The following NRG3 variants were observed in gnomAD, a reference collection of about 807,000 sequenced individuals.
NRG3 encodes pro-neuregulin-3, membrane-bound isoform.
A neutral mutation model predicts 66.9 loss-of-function variants in NRG3; 31 were observed. The ratio of observed to expected loss-of-function variants is 0.46; its 90% CI spans 0.35 to 0.63. The LOEUF (loss-of-function observed/expected upper bound fraction) is 0.63, where lower values mean the gene tolerates loss of function less well. Ranked by LOEUF, NRG3 falls within the 20% of genes least tolerant of loss-of-function variation. The pLI, the probability that NRG3 is intolerant of heterozygous loss-of-function variation, is 0.00. For synonymous variants in NRG3, 393 were observed against 359.4 expected, an observed-to-expected ratio of 1.09 and a Z score of -1.06; for missense variants, 910 against 878.9, an observed-to-expected ratio of 1.04 and a Z score of -0.45.
intron 2 of NRG3, among the ~76,000 whole-genome samples, chr10:82,729,143 C>T (rs2057764294): frequency 6.6e-6 from 1 of 152,102 alleles, no homozygotes; most frequent in South Asian, 2.1e-4. Flanking sequence ...CATCCTGCAG[C>T]CAAAGACATG....
At chr10:82,172,646 G>A (rs1356572073) in intron 1 of NRG3, among the ~76,000 whole-genome samples, 1 of 152,102 alleles carries the variant, frequency 6.6e-6, no homozygotes, top group Non-Finnish European at 1.5e-5. Context: ...ATCAGCCACA[G>A]AACCTGTCAC....
At chr10:81,967,287 A>G (rs1474534983) in intron 1 of NRG3, among the ~76,000 whole-genome samples, 3 of 151,746 alleles carry the variant, frequency 2.0e-5, no homozygotes, top group Non-Finnish European at 2.9e-5. Context: ...TTAACAGAAG[A>G]TTTATCTTAA....
At chr10:81,901,682 A>G (rs908587691) in intron 1 of NRG3, among the ~76,000 whole-genome samples, 5 of 152,190 alleles carry the variant, frequency 3.3e-5, no homozygotes, top group Admixed American at 3.3e-4. Flanking sequence ...AAAGAAAAGT[A>G]AAATAAAATA....
chr10:82,695,505 T>G (rs552573420), intron 2 of NRG3, among the ~76,000 whole-genome samples: 1 of 152,212 alleles, frequency 6.6e-6, no homozygotes, highest in East Asian at 1.9e-4. Context: ...TGTGTGTGCA[T>G]CTAGATATAG....
intron 1 of NRG3, among the ~76,000 whole-genome samples, chr10:82,141,594 G>A (rs2069788824): frequency 6.6e-6 from 1 of 151,998 alleles, no homozygotes; most frequent in African/African-American, 2.4e-5. Context: ...TTTCACTTCT[G>A]TGAAGCAGCA....
chr10:82,158,005 T>C (rs1485873119), intron 1 of NRG3, among the ~76,000 whole-genome samples: 1 of 151,702 alleles, frequency 6.6e-6, no homozygotes, highest in East Asian at 1.9e-4. Context: ...TGTGAAATTG[T>C]CTAGGTCACT....
chr10:82,278,102 G>A (rs2078943301), intron 1 of NRG3, among the ~76,000 whole-genome samples: 1 of 152,052 alleles, frequency 6.6e-6, no homozygotes, highest in Non-Finnish European at 1.5e-5. Flanking sequence ...AAAAATTGAT[G>A]AACGTTTTGG....
chr10:82,452,320 G>A (rs1484723599), intron 2 of NRG3, among the ~76,000 whole-genome samples: 2 of 152,182 alleles, frequency 1.3e-5, no homozygotes, highest in Non-Finnish European at 2.9e-5. Context: ...TGAATCAGCT[G>A]TGTCTGTGCA....
intron 2 of NRG3, among the ~76,000 whole-genome samples, chr10:82,645,681 C>T (rs1468823919): frequency 3.3e-5 from 5 of 152,152 alleles, no homozygotes; most frequent in Admixed American, 3.3e-4. Flanking sequence ...TTGAATACTA[C>T]TGCTTTTCAT....
chr10:81,933,378 T>C (rs542776493), intron 1 of NRG3, among the ~76,000 whole-genome samples: 11 of 152,150 alleles, frequency 7.2e-5, no homozygotes, highest in South Asian at 2.1e-4. Context: ...TAAGGAGATA[T>C]GTTCATTAAT....
intron 2 of NRG3, among the ~76,000 whole-genome samples, chr10:82,559,457 C>T (rs1190486195): frequency 6.6e-6 from 1 of 152,174 alleles, no homozygotes; most frequent in Non-Finnish European, 1.5e-5. Flanking sequence ...GTACTTACAA[C>T]TTGAAGGAAT....
At chr10:82,150,530 C>CAAAAAAAAAAAAA (rs1188955647) in intron 1 of NRG3, among the ~76,000 whole-genome samples, 2 of 26,688 alleles carry the variant, frequency 7.5e-5, no homozygotes, top group Non-Finnish European at 7.4e-5. Flanking sequence ...AGAGCACACA[C>CAAAAAAAAAAAAA]AAAAAAAAAA....
chr10:82,273,126 TTATTA>T (rs2078682788), intron 1 of NRG3, among the ~76,000 whole-genome samples: 1 of 152,106 alleles, frequency 6.6e-6, no homozygotes, highest in Non-Finnish European at 1.5e-5. Flanking sequence ...TTCTCTTCTT[TTATTA>T]TATTTGCTGT....
At chr10:82,081,680 T>G (rs1020380041) in intron 1 of NRG3, among the ~76,000 whole-genome samples, 3 of 152,224 alleles carry the variant, frequency 2.0e-5, no homozygotes, top group Admixed American at 2.0e-4. Context: ...ACTTAGTCTC[T>G]GCTTTATACA....
intron 1 of NRG3, among the ~76,000 whole-genome samples, chr10:82,103,968 C>T (rs11192514): frequency 0.063 from 9,418 of 148,808 alleles, 434 homozygotes; most frequent in East Asian, 0.24. Context: ...AGATTTTTCT[C>T]GTGCCTTTTT....
chr10:82,575,166 T>C (rs2045958554), intron 2 of NRG3, among the ~76,000 whole-genome samples: 1 of 151,690 alleles, frequency 6.6e-6, no homozygotes. Context: ...TACAATATGT[T>C]GTACACAAGA....
In NRG3 at chr10:82,190,010, G is replaced by T. The variant is rs146719558; in HGVS notation, c.824-168729G>T. ...AAAAAAACAGAGAAATTTTGAACAA[G>T]ATATAGACGATTCCAAAAGGAGCAA... is the stretch of plus-strand genomic sequence containing the variant. On this transcript the variant is annotated intron_variant, in intron 1 of 8. Transcript: ENST00000372141. 3.5e-3 allele frequency among the ~76,000 whole-genome samples: 537 copies of T among 152,120 alleles called. 2 individuals carry two copies. Among genetic ancestry groups the T allele is most frequent in the South Asian group, 0.021 (99 of 4,818 alleles).
intron 4 of NRG3, among the ~76,000 whole-genome samples, chr10:82,946,344 G>A (rs188786214): frequency 6.6e-6 from 1 of 151,806 alleles, no homozygotes; most frequent in African/African-American, 2.4e-5. Context: ...ATCGAGACTA[G>A]CCTGGCCAAG....
At chr10:82,794,243 C>A (rs1352135885) in intron 3 of NRG3, among the ~76,000 whole-genome samples, 1 of 152,106 alleles carries the variant, frequency 6.6e-6, no homozygotes, top group Non-Finnish European at 1.5e-5. Context: ...ACAAACTTCA[C>A]AAATCCATAA....
Sources: allele counts gnomAD v4.1 joint callset (sites outside exome capture counted in the v4.1 genomes callset), GRCh38; gene constraint gnomAD v4.1.1; transcripts MANE v1.5; gene names NCBI Gene and HGNC (gene_info 2026-07-23, HGNC 2026-07-21).